Variants in LONP2 observed in about 807,000 individuals in gnomAD.
LONP2 encodes lon protease homolog 2, peroxisomal.
LONP2 carries 60 observed loss-of-function variants against 85.6 expected under a neutral mutation model. The observed-to-expected ratio is 0.70, with a 90% CI of 0.57 to 0.87. LONP2 has a LOEUF of 0.87. LONP2 is among the 40% of genes least tolerant of loss of function. The pLI is 0.00. For missense variants in LONP2, 860 were observed against 1,063.5 expected (o/e 0.81, Z 2.66); for synonymous variants, 395 against 389.7 (o/e 1.01, Z -0.16).
At chr16:48,260,785 A>G (rs1424288469) in intron 4 of LONP2, among the ~76,000 whole-genome samples, 2 of 152,248 alleles carry the variant, frequency 1.3e-5, no homozygotes, top group African/African-American at 4.8e-5. Flanking sequence ...TGAAAGAACA[A>G]TTTTGGCAGG....
In LONP2 at chr16:48,356,958, A is replaced by C. The variant is rs1960389997; in HGVS notation, c.*5156A>C. 1 of 153,154 alleles carries C rather than the reference A, an allele frequency of 6.5e-6. No individual in the cohort carries two copies. The highest frequency in any genetic ancestry group is 2.0e-4 in the South Asian group (1 of 4,906). The allele number at this position is 153,154 out of a possible 1,614,324, so 9.5% of individuals were successfully genotyped here. The stretch of plus-strand genomic sequence containing the variant: ...TTTGCTCCATTATTTATATCTGTAA[A>C]CCTGTTATTATTTTCAGAATTCAGA... On this transcript the variant is annotated 3_prime_UTR_variant, in exon 15 of 15. Coordinates refer to ENST00000285737, the MANE Select transcript of LONP2 (RefSeq NM_031490.5).
chr16:48,264,811 GTTC>G (rs1431694841), intron 6 of LONP2, among the ~76,000 whole-genome samples: 2 of 152,122 alleles, frequency 1.3e-5, no homozygotes, highest in Non-Finnish European at 2.9e-5. Context: ...CACAATCCAC[GTTC>G]TTCTGCCATG....
downstream of LONP2, chr16:48,361,484 C>T: frequency 8.0e-7 from 1 of 1,256,852 alleles, no homozygotes; most frequent in Non-Finnish European, 1.1e-6. Flanking sequence ...TAGCTTCCAC[C>T]TACCGAAAGA....
rs889285793 is a variant in LONP2 at position 48,334,073 on chromosome 16, A to G, written c.1796-143A>G. On this transcript the variant is annotated intron_variant, in intron 11 of 14. Coordinates refer to ENST00000285737, the MANE Select transcript of LONP2 (RefSeq NM_031490.5). ...TATTTCACCTGCATTCCACAGATAC[A>G]CAGGTGAATGTTTGCCTTGATAAAT... 15 of 687,970 alleles carry G rather than the reference A, an allele frequency of 2.2e-5. No homozygotes were observed. In the African/African-American group the frequency reaches 2.7e-4, roughly 12 times the overall value. 42.6% of individuals were successfully genotyped at this position (687,970 alleles called of 1,614,324 possible).
rs1326700210 is a variant in LONP2, at chr16:48,303,189, G to A, written c.1679G>A (p.Gly560Glu). The A allele has an allele frequency of 1.2e-6, 2 of 1,614,040 alleles. No individual in the cohort carries two copies. Among genetic ancestry groups the A allele is most frequent in the Middle Eastern group, 1.6e-4 (1 of 6,062 alleles). Residue 560 changes from glycine to glutamate, a missense_variant, in exon 11 of 15, where the codon GGG becomes GAG. Around this residue, in one of 3 missense-constraint regions of LONP2, gnomAD observed 743 missense variants for 917.3 expected, o/e 0.81. Transcript: ENST00000285737. The stretch of plus-strand genomic sequence containing the variant: ...GATGACAGGTATACCAGAGAGGCAG[G>A]GGTTCGTTCTCTGGATAGAAAACTT... Reference protein sequence around the residue: ...DIITRYTREAGVRSLDRKLGA... With the variant: ...DIITRYTREAEVRSLDRKLGA...
intron 12 of LONP2, chr16:48,336,394 T>C (rs1482492155): frequency 2.2e-6 from 1 of 456,274 alleles, no homozygotes; most frequent in Admixed American, 2.3e-5. Flanking sequence ...CTTTTATAGA[T>C]AGCATCTTAG....
intron 11 of LONP2, among the ~76,000 whole-genome samples, chr16:48,313,359 G>T: frequency 6.6e-6 from 1 of 152,082 alleles, no homozygotes; most frequent in East Asian, 1.9e-4. Context: ...ACATGTGCAG[G>T]ATGTACAAGT....
chr16:48,273,017 A>G (rs535854375), intron 7 of LONP2, among the ~76,000 whole-genome samples: 1 of 152,260 alleles, frequency 6.6e-6, no homozygotes, highest in African/African-American at 2.4e-5. Flanking sequence ...GTTCCATGTG[A>G]CAGTTGAGGC....
At chr16:48,264,388 A>G (rs113136008) in intron 6 of LONP2, among the ~76,000 whole-genome samples, 2,088 of 152,328 alleles carry the variant, frequency 0.014, 49 homozygotes, top group African/African-American at 0.047. Flanking sequence ...AGAAAAAAGA[A>G]TTCAGCGATA....
At position 48,339,376 on chromosome 16, in the gene LONP2, G is replaced by A. The variant is rs111682703; in HGVS notation, c.1938+5018G>A. ...ATTTGATGGCATGAAGGTTGTTGGT[G>A]ACCTTGAAAGAGATTTCACAAGGAA... On this transcript the variant is annotated intron_variant, in intron 12 of 14. Coordinates refer to ENST00000285737, the MANE Select transcript of LONP2 (RefSeq NM_031490.5). Among the ~76,000 whole-genome samples, 988 of 152,326 alleles carry A rather than the reference G, an allele frequency of 6.5e-3. 12 individuals are homozygous for A. Among genetic ancestry groups the A allele is most frequent in the African/African-American group, 0.023 (939 of 41,582 alleles).
intron 4 of LONP2, among the ~76,000 whole-genome samples, chr16:48,259,973 A>G (rs1971841023): frequency 6.6e-6 from 1 of 152,188 alleles, no homozygotes; most frequent in Non-Finnish European, 1.5e-5. Flanking sequence ...GAATTAGGAT[A>G]ATATTTGGAG....
chr16:48,267,971 G>A (rs1486585718), intron 6 of LONP2, among the ~76,000 whole-genome samples: 2 of 152,158 alleles, frequency 1.3e-5, no homozygotes, highest in African/African-American at 2.4e-5. Context: ...ATCTCAGATA[G>A]TAACCGAAAA....
At chr16:48,323,167 CACTGA>C (rs1285617359) in intron 11 of LONP2, among the ~76,000 whole-genome samples, 7 of 152,154 alleles carry the variant, frequency 4.6e-5, no homozygotes, top group Non-Finnish European at 1.0e-4. Flanking sequence ...TCTGTGGAGG[CACTGA>C]ACTGATCATT....
At chr16:48,273,502 A>G (rs920575867) in intron 7 of LONP2, among the ~76,000 whole-genome samples, 4 of 152,208 alleles carry the variant, frequency 2.6e-5, no homozygotes, top group African/African-American at 9.6e-5. Context: ...AATAATGTTT[A>G]TGCTACGTAT....
intron 9 of LONP2, among the ~76,000 whole-genome samples, chr16:48,296,798 G>A (rs1351633327): frequency 1.3e-5 from 2 of 151,066 alleles, no homozygotes; most frequent in Non-Finnish European, 2.9e-5. Context: ...AGTGCATGCC[G>A]CTTTTAAATT....
chr16:48,270,679 A>T (rs942731208), intron 7 of LONP2, among the ~76,000 whole-genome samples: 7 of 152,228 alleles, frequency 4.6e-5, no homozygotes, highest in African/African-American at 1.4e-4. Context: ...GAAGTCTTTG[A>T]TAACAAACTT....
chr16:48,284,254 AAAC>A (rs1972390360), intron 8 of LONP2, among the ~76,000 whole-genome samples: 1 of 152,338 alleles, frequency 6.6e-6, no homozygotes, highest in East Asian at 1.9e-4. Context: ...TTGAAATTCT[AAAC>A]AAGATTTAGA....
intron 11 of LONP2, among the ~76,000 whole-genome samples, chr16:48,303,670 G>A (rs1488000812): frequency 6.6e-6 from 1 of 152,098 alleles, no homozygotes. Flanking sequence ...TCTGCAGGCC[G>A]AGGAGCAAGG....
chr16:48,326,724 T>C (rs1411939475), intron 11 of LONP2, among the ~76,000 whole-genome samples: 2 of 152,146 alleles, frequency 1.3e-5, no homozygotes, highest in Non-Finnish European at 2.9e-5. Flanking sequence ...AGCAAGGAAC[T>C]TTTTTATTTT....
Sources: allele counts gnomAD v4.1 joint callset (sites outside exome capture counted in the v4.1 genomes callset), GRCh38; gene constraint gnomAD v4.1.1; regional missense constraint gnomAD v4.1.1; transcripts MANE v1.5; gene names NCBI Gene and HGNC (gene_info 2026-07-23, HGNC 2026-07-21).